Variants in BCL2L13 observed in about 807,000 individuals in gnomAD.
BCL2L13 encodes bcl-2-like protein 13.
Under a neutral mutation model 25.8 loss-of-function variants are expected in BCL2L13, and 13 were observed. The ratio of observed to expected loss-of-function variants is 0.50; its 90% CI spans 0.33 to 0.80. The LOEUF is 0.80. Ranked by LOEUF, BCL2L13 falls within the 30% of genes least tolerant of loss-of-function variation. The probability of loss-of-function intolerance (pLI) is 0.02; values close to 1 mark genes in which losing one functional copy is unlikely to be tolerated. For missense variants in BCL2L13, 504 were observed against 574.9 expected, an observed-to-expected ratio of 0.88 and a Z score of 1.26; for synonymous variants, 244 against 230.3, an observed-to-expected ratio of 1.06 and a Z score of -0.54.
chr22:17,662,190 ACT>A (rs2059088594), intron 2 of BCL2L13, among the ~76,000 whole-genome samples: 1 of 152,078 alleles, frequency 6.6e-6, no homozygotes, highest in Non-Finnish European at 1.5e-5. Context: ...TAAAACAGTT[ACT>A]GAGGGGCTGC....
In BCL2L13 at chr22:17,706,833, T is replaced by C. The variant is rs1248520149; in HGVS notation, c.600+4447T>C. On this transcript the variant is annotated intron_variant, in intron 6 of 6. Transcript: ENST00000317582. ...CAGAGCAAGTCCACTGTGGTAAGGC[T>C]TGTATTTTACTTTCTCCGTCGTCAC... 2.2e-6 allele frequency: 3 copies of C among 1,351,844 alleles called. No individual in the cohort carries two copies. In the African/African-American group the frequency reaches 4.4e-5, roughly 20 times the overall value. 83.7% of individuals were successfully genotyped at this position (1,351,844 alleles called of 1,614,324 possible).
chr22:17,641,406 C>CCGT (rs1479723488), intron 1 of BCL2L13, among the ~76,000 whole-genome samples: 1 of 151,548 alleles, frequency 6.6e-6, no homozygotes, highest in African/African-American at 2.4e-5. Flanking sequence ...TCTTGTTCTT[C>CCGT]CTCAGACGGT....
upstream of BCL2L13, among the ~76,000 whole-genome samples, chr22:17,637,065 G>GAGT: frequency 6.6e-6 from 1 of 151,930 alleles, no homozygotes; most frequent in South Asian, 2.1e-4. Flanking sequence ...TTGAGGTCAG[G>GAGT]AGTAGGAGAC....
intron 1 of BCL2L13, among the ~76,000 whole-genome samples, chr22:17,650,155 C>A (rs2058634129): frequency 6.6e-6 from 1 of 152,140 alleles, no homozygotes; most frequent in Non-Finnish European, 1.5e-5. Context: ...CAGGCATGAG[C>A]CACTGCGCCC....
At chr22:17,635,750 C>T (rs1489652206), upstream of BCL2L13, among the ~76,000 whole-genome samples, 1 of 151,892 alleles carries the variant, frequency 6.6e-6, no homozygotes, top group African/African-American at 2.4e-5. Context: ...CACTCTGTCG[C>T]CCAGGCTGGA....
At chr22:17,639,024 C>T (rs2058169642) in intron 1 of BCL2L13, 138 bp downstream of exon 1, 8 of 690,810 alleles carry the variant, frequency 1.2e-5, no homozygotes, top group African/African-American at 1.8e-5. Context: ...GTGTGTGTGT[C>T]TACACCGGCG....
At chr22:17,675,162 A>G (rs2059542080) in intron 2 of BCL2L13, among the ~76,000 whole-genome samples, 2 of 152,242 alleles carry the variant, frequency 1.3e-5, no homozygotes, top group Non-Finnish European at 2.9e-5. Flanking sequence ...TAGAAGCTAT[A>G]CTAGTTCCTT....
At chr22:17,630,493 T>C (rs2057988364) in intron 1 of BCL2L13, among the ~76,000 whole-genome samples, 1 of 151,854 alleles carries the variant, frequency 6.6e-6, no homozygotes, top group Admixed American at 6.6e-5. Flanking sequence ...TTGGCCAGGC[T>C]GGTCTTGAAC....
chr22:17,703,753 C>T (rs1028677109), intron 6 of BCL2L13: 3 of 152,136 alleles, frequency 2.0e-5, no homozygotes, highest in Non-Finnish European at 4.4e-5. Context: ...ATTTTTTGAG[C>T]TGTTCTTAAA....
At chr22:17,705,755 G>C (rs1568996563) in intron 6 of BCL2L13, among the ~76,000 whole-genome samples, 1 of 152,080 alleles carries the variant, frequency 6.6e-6, no homozygotes, top group Non-Finnish European at 1.5e-5. Flanking sequence ...TCGCATGTCT[G>C]TTATATAAAG....
At chr22:17,674,609 A>G (rs1289751278) in intron 2 of BCL2L13, among the ~76,000 whole-genome samples, 1 of 134,960 alleles carries the variant, frequency 7.4e-6, no homozygotes, top group South Asian at 2.1e-4. Context: ...CTGTCTCAAA[A>G]AAAAAAAAAA....
chr22:17,647,382 A>G (rs989732940), intron 1 of BCL2L13, among the ~76,000 whole-genome samples: 17 of 152,208 alleles, frequency 1.1e-4, no homozygotes, highest in African/African-American at 4.1e-4. Flanking sequence ...TGCTTCTACA[A>G]AAGCTTTAGG....
chr22:17,693,980 A>G (rs2060192010), intron 4 of BCL2L13, among the ~76,000 whole-genome samples: 1 of 151,684 alleles, frequency 6.6e-6, no homozygotes, highest in Non-Finnish European at 1.5e-5. Context: ...CTGATCTTGA[A>G]TTCCTGACTT....
At chr22:17,647,851 G>A (rs904904174) in intron 1 of BCL2L13, among the ~76,000 whole-genome samples, 10 of 151,958 alleles carry the variant, frequency 6.6e-5, no homozygotes, top group East Asian at 1.9e-4. Flanking sequence ...AAGTCCCTCC[G>A]GGCGCAGTGG....
chr22:17,647,196 G>A (rs1311354765), intron 1 of BCL2L13, among the ~76,000 whole-genome samples: 2 of 151,456 alleles, frequency 1.3e-5, no homozygotes, highest in African/African-American at 2.4e-5. Flanking sequence ...GGCTGGTTTC[G>A]ATCTCCTGAC....
intron 4 of BCL2L13, chr22:17,692,462 T>C (rs2060132533): frequency 6.6e-6 from 1 of 152,214 alleles, no homozygotes; most frequent in South Asian, 2.1e-4. Context: ...GACTGATATA[T>C]GCAAGTAAAG....
At chr22:17,640,149 C>T (rs913800365) in intron 1 of BCL2L13, among the ~76,000 whole-genome samples, 1 of 151,742 alleles carries the variant, frequency 6.6e-6, no homozygotes, top group Non-Finnish European at 1.5e-5. Context: ...CCACCGCGCA[C>T]GGTGATACCT....
chr22:17,672,671 A>G (rs2059450997), intron 2 of BCL2L13, among the ~76,000 whole-genome samples: 3 of 152,178 alleles, frequency 2.0e-5, no homozygotes, highest in South Asian at 2.1e-4. Flanking sequence ...AGCAGCAGAC[A>G]TTTTCTGGTT....
chr22:17,689,172 T>G (rs1020603344), intron 4 of BCL2L13, 30 bp downstream of exon 4: 4 of 1,607,548 alleles, frequency 2.5e-6, no homozygotes, highest in African/African-American at 2.7e-5. Context: ...GGGATGTGCT[T>G]CTTTAAGTAG....
Sources: allele counts gnomAD v4.1 joint callset (sites outside exome capture counted in the v4.1 genomes callset), GRCh38; gene constraint gnomAD v4.1.1; transcripts MANE v1.5; gene names NCBI Gene and HGNC (gene_info 2026-07-23, HGNC 2026-07-21).